Variants in DIAPH3 observed in about 807,000 individuals in gnomAD.
DIAPH3 encodes the protein protein diaphanous homolog 3.
DIAPH3 carries 117 observed loss-of-function variants against 144.3 expected under a neutral mutation model. That is an observed-to-expected ratio of 0.81 (90% CI 0.70 to 0.95). DIAPH3 has a LOEUF of 0.95. Among genes scored for constraint, DIAPH3 ranks in the 40% least tolerant of loss-of-function variants. The pLI is 0.00. For missense variants in DIAPH3, 1,421 were observed against 1,412.7 expected (o/e 1.01, Z -0.09); for synonymous variants, 519 against 488.9 (o/e 1.06, Z -0.81).
chr13:60,052,281 T>G (rs890418738), intron 4 of DIAPH3, among the ~76,000 whole-genome samples: 1 of 151,974 alleles, frequency 6.6e-6, no homozygotes, highest in Non-Finnish European at 1.5e-5. Flanking sequence ...ACTAAGTAAA[T>G]AGGAAAGATA....
chr13:59,691,478 A>T (rs1051200060), intron 27 of DIAPH3, among the ~76,000 whole-genome samples: 4 of 152,198 alleles, frequency 2.6e-5, no homozygotes, highest in African/African-American at 9.7e-5. Context: ...GGCACATTTG[A>T]ACCATTTCCA....
At chr13:60,083,968 A>G (rs899769919) in intron 4 of DIAPH3, among the ~76,000 whole-genome samples, 17 of 151,408 alleles carry the variant, frequency 1.1e-4, no homozygotes, top group African/African-American at 3.9e-4. Flanking sequence ...TGAATAAACT[A>G]TAGTCTGAGG....
intron 17 of DIAPH3, among the ~76,000 whole-genome samples, chr13:59,941,773 A>G (rs1040452250): frequency 3.3e-5 from 5 of 152,102 alleles, no homozygotes; most frequent in African/African-American, 1.2e-4. Context: ...ATCCCCTGCA[A>G]CTCAATTAGG....
intron 4 of DIAPH3, among the ~76,000 whole-genome samples, chr13:60,069,841 G>GTT (rs773573422): frequency 3.9e-5 from 6 of 152,074 alleles, no homozygotes; most frequent in Non-Finnish European, 8.8e-5. Context: ...CTATATGTCT[G>GTT]TTTTTGTACA....
At chr13:60,088,918 A>G (rs1198535782) in intron 4 of DIAPH3, among the ~76,000 whole-genome samples, 1 of 152,196 alleles carries the variant, frequency 6.6e-6, no homozygotes, top group Non-Finnish European at 1.5e-5. Context: ...CACCAAGCGC[A>G]GCCATATATT....
At chr13:59,798,395 C>T (rs2039723451) in intron 25 of DIAPH3, among the ~76,000 whole-genome samples, 1 of 152,166 alleles carries the variant, frequency 6.6e-6, no homozygotes, top group African/African-American at 2.4e-5. Flanking sequence ...TCCAATTTAG[C>T]ATCATTTCTG....
At chr13:59,894,532 A>C (rs1363750654) in intron 20 of DIAPH3, among the ~76,000 whole-genome samples, 1 of 151,488 alleles carries the variant, frequency 6.6e-6, no homozygotes, top group Non-Finnish European at 1.5e-5. Context: ...CCAGGAGAAA[A>C]AAAAAAGAAA....
chr13:59,776,717 T>C (rs1295468246), intron 25 of DIAPH3, among the ~76,000 whole-genome samples: 1 of 152,174 alleles, frequency 6.6e-6, no homozygotes, highest in Non-Finnish European at 1.5e-5. Context: ...ATGTGAACTT[T>C]CTTCTTAGTA....
At chr13:60,023,895 G>A (rs571434344) in intron 5 of DIAPH3, among the ~76,000 whole-genome samples, 2 of 109,428 alleles carry the variant, frequency 1.8e-5, no homozygotes, top group African/African-American at 3.6e-5. Context: ...TCGCTCTGTC[G>A]CCCAGGCTGG....
chr13:60,006,966 A>G (rs1566646753), intron 9 of DIAPH3, among the ~76,000 whole-genome samples: 2 of 152,270 alleles, frequency 1.3e-5, no homozygotes, highest in Admixed American at 6.5e-5. Flanking sequence ...CCAAATCACA[A>G]CATAGGGTTC....
At chr13:59,774,657 A>G in intron 26 of DIAPH3, 71 bp downstream of exon 26, 1 of 1,444,248 alleles carries the variant, frequency 6.9e-7, no homozygotes, top group Non-Finnish European at 9.7e-7. Flanking sequence ...ACTTCAAAAG[A>G]ATGAGAAAAA....
intron 27 of DIAPH3, among the ~76,000 whole-genome samples, chr13:59,677,987 C>T (rs2032735777): frequency 2.0e-5 from 3 of 152,116 alleles, no homozygotes; most frequent in African/African-American, 2.4e-5. Context: ...ACTGGGTTAC[C>T]GTTCAGAGAC....
intron 25 of DIAPH3, among the ~76,000 whole-genome samples, chr13:59,790,618 A>G (rs1427826092): frequency 6.6e-6 from 1 of 152,192 alleles, no homozygotes; most frequent in East Asian, 1.9e-4. Context: ...ACACAGAGGA[A>G]ATTTTAAAAT....
At chr13:59,908,634 A>G (rs981819668) in intron 20 of DIAPH3, among the ~76,000 whole-genome samples, 1 of 152,142 alleles carries the variant, frequency 6.6e-6, no homozygotes, top group Non-Finnish European at 1.5e-5. Flanking sequence ...TACTGTCTCA[A>G]GTTAGGGTAT....
Position 60,112,062 on chromosome 13 carries a change from A to G in DIAPH3, c.338T>C (p.Phe113Ser). The G allele has an allele frequency of 6.2e-7, 1 of 1,614,160 alleles. No individual in the cohort carries two copies. The highest frequency in any genetic ancestry group is 8.5e-7 in the Non-Finnish European group (1 of 1,180,024). ...TTCATTCTCTGACAGTGGCTTTGGA[A>G]AGTTCTCCATCATCTCTAAAGGTGC... is the stretch of plus-strand genomic sequence containing the variant. ...SAAPLEMMEN[F>S]PKPLSENELL... Residue 113 changes from phenylalanine to serine, a missense_variant, in exon 3 of 28, where the codon TTT (phenylalanine) becomes TCT (serine). By Grantham distance (155) the Phe-to-Ser change is radical (BLOSUM62 -2). Coordinates refer to ENST00000400324, the MANE Select transcript of DIAPH3 (RefSeq NM_001042517.2).
intron 17 of DIAPH3, among the ~76,000 whole-genome samples, chr13:59,947,224 G>T (rs1239900012): frequency 6.6e-6 from 1 of 152,154 alleles, no homozygotes; most frequent in Non-Finnish European, 1.5e-5. Flanking sequence ...GAGTGCAGAG[G>T]TGAACATTCT....
chr13:59,762,958 G>GT (rs1262160602), intron 27 of DIAPH3, among the ~76,000 whole-genome samples: 1 of 152,062 alleles, frequency 6.6e-6, no homozygotes, highest in Non-Finnish European at 1.5e-5. Context: ...GGAAGATGCA[G>GT]TAAGAAGGCC....
chr13:59,880,973 A>C (rs1408128202), intron 20 of DIAPH3, among the ~76,000 whole-genome samples: 1 of 140,708 alleles, frequency 7.1e-6, no homozygotes, highest in Non-Finnish European at 1.5e-5. Context: ...AAGTTCAACA[A>C]GGACCAAAAA....
At chr13:59,724,721 T>C (rs965464233) in intron 27 of DIAPH3, among the ~76,000 whole-genome samples, 4 of 152,218 alleles carry the variant, frequency 2.6e-5, no homozygotes, top group Admixed American at 1.3e-4. Context: ...CTTTCCTTTA[T>C]GGTAGTCACA....
Sources: allele counts gnomAD v4.1 joint callset (sites outside exome capture counted in the v4.1 genomes callset), GRCh38; gene constraint gnomAD v4.1.1; transcripts MANE v1.5; gene names NCBI Gene and HGNC (gene_info 2026-07-23, HGNC 2026-07-21).